RGPD1: variants seen among roughly 807,000 people sequenced by gnomAD.
RGPD1 encodes the protein RANBP2-like and GRIP domain-containing protein 1.
In RGPD1, 7 loss-of-function variants were observed where a neutral mutation model predicts 40.6. The observed-to-expected ratio is 0.17, with a 90% CI of 0.10 to 0.32. The LOEUF (loss-of-function observed/expected upper bound fraction) is 0.32, where lower values mean the gene tolerates loss of function less well. RGPD1 is among the 10% of genes least tolerant of loss of function. RGPD1 has a pLI of 1.00. For missense variants in RGPD1, 50 were observed against 472.5 expected (o/e 0.11, Z 8.29); for synonymous variants, 24 against 167.0 (o/e 0.14, Z 6.60).
At chr2:86,942,566 C>CGGGCGGCGGCGG (rs1377271723) in intron 1 of RGPD1, among the ~76,000 whole-genome samples, 4 of 102,866 alleles carry the variant, frequency 3.9e-5, no homozygotes, top group African/African-American at 1.4e-4. Flanking sequence ...TCGACGTGGC[C>CGGGCGGCGGCGG]CGGCGGCGGC....
chr2:86,929,366 C>T lies in RGPD1; in HGVS notation c.72+15445C>T, dbSNP rs542061113. 4.0e-5 allele frequency among the ~76,000 whole-genome samples: 6 copies of T among 151,898 alleles called. No homozygotes were observed. In the South Asian group the frequency reaches 8.3e-4, roughly 21 times the overall value. On this transcript the variant is annotated intron_variant, in intron 1 of 22. Coordinates refer to the RGPD1 transcript ENST00000398193. ...TCTGTTCTCTTGTGCATTGATGCCC[C>T]CGGAGTTGTGAAACACAGTGGCCCT...
At chr2:86,919,998 A>ACATGAAGAGTTTGTGTCTTGAAATATGT (rs1678026092) in intron 1 of RGPD1, among the ~76,000 whole-genome samples, 1 of 151,824 alleles carries the variant, frequency 6.6e-6, no homozygotes, top group African/African-American at 2.4e-5. Flanking sequence ...TGTCTATTTC[A>ACATGAAGAGTTTGTGTCTTGAAATATGT]GCACATGAAG....
chr2:86,942,561 G>GGCCGGGCGGCGGCGGCGGCGGCCTCGACC lies in RGPD1; in HGVS notation c.72+253_72+254insGCCGGGCGGCGGCGGCGGCGGCCTCGACC, dbSNP rs1558799770. Among the ~76,000 whole-genome samples the GGCCGGGCGGCGGCGGCGGCGGCCTCGACC allele has an allele frequency of 1.8e-3, 80 of 44,016 alleles. 8 individuals are homozygous for GGCCGGGCGGCGGCGGCGGCGGCCTCGACC. The highest frequency in any genetic ancestry group is 4.8e-3 in the African/African-American group (75 of 15,534). The allele number at this position is 44,016 out of a possible 152,430, so 28.9% of individuals were successfully genotyped here. On this transcript the variant is annotated intron_variant, in intron 1 of 22. Coordinates refer to ENST00000641458, the MANE Select transcript of RGPD1 (RefSeq NM_001382344.1). ...GCCGGGCGGCGGCGGCGGCCTCGAC[G>GGCCGGGCGGCGGCGGCGGCGGCCTCGACC]TGGCCCGGCGGCGGCCTCGATGGCT...
intron 1 of RGPD1, among the ~76,000 whole-genome samples, chr2:86,924,639 A>G (rs962019144): frequency 4.0e-5 from 6 of 150,418 alleles, no homozygotes; most frequent in South Asian, 2.1e-4. Flanking sequence ...TAATTTTTAA[A>G]TTTTTTTGGC....
Position 86,914,547 on chromosome 2 carries a change from G to A in RGPD1, c.72+626G>A, listed in dbSNP as rs570539343. Among the ~76,000 whole-genome samples the A allele has an allele frequency of 9.2e-3, 157 of 17,054 alleles. 14 individuals carry two copies. The highest frequency in any genetic ancestry group is 0.052 in the African/African-American group (117 of 2,240). 11.2% of individuals were successfully genotyped at this position (17,054 alleles called of 152,430 possible). A position where few individuals can be genotyped will look rare whatever the true frequency, so the allele number is the denominator to read the frequency against. ...GGCGGCGGCCTCGGCCTGGCCGGGCGGCGGCGGCGGCGGCGGCGGCGGCGG... is the reference window on the plus strand; with the variant it reads ...GGCGGCGGCCTCGGCCTGGCCGGGCAGCGGCGGCGGCGGCGGCGGCGGCGG... On this transcript the variant is annotated intron_variant, in intron 1 of 22. Transcript: ENST00000398193.
At chr2:86,944,017 A>C (rs999875097) in intron 1 of RGPD1, among the ~76,000 whole-genome samples, 19 of 151,788 alleles carry the variant, frequency 1.3e-4, no homozygotes, top group East Asian at 3.9e-4. Flanking sequence ...CCAAAAAAAA[A>C]CAAAAAAAAA....
At chr2:86,943,435 A>G (rs1242687537) in intron 1 of RGPD1, among the ~76,000 whole-genome samples, 5 of 151,994 alleles carry the variant, frequency 3.3e-5, no homozygotes, top group East Asian at 1.9e-4. Flanking sequence ...AATGTGATCT[A>G]TTTTGGATTC....
intron 1 of RGPD1, among the ~76,000 whole-genome samples, chr2:86,944,555 C>A (rs1345439311): frequency 6.6e-6 from 1 of 152,012 alleles, no homozygotes; most frequent in Non-Finnish European, 1.5e-5. Context: ...GGTGTACCCA[C>A]CACACCTGCT....
intron 1 of RGPD1, among the ~76,000 whole-genome samples, chr2:86,945,368 A>G (rs1422210553): frequency 6.6e-6 from 1 of 152,190 alleles, no homozygotes; most frequent in Non-Finnish European, 1.5e-5. Context: ...GTGAAATGAC[A>G]AAACAGGGTG....
chr2:86,925,008 G>C (rs1678373098), intron 1 of RGPD1, among the ~76,000 whole-genome samples: 1 of 152,008 alleles, frequency 6.6e-6, no homozygotes, highest in Admixed American at 6.5e-5. Context: ...TGTAGTCCTA[G>C]CTACTTGGAG....
At chr2:87,007,624 C>T (rs1191327503) in intron 22 of RGPD1, among the ~76,000 whole-genome samples, 1 of 152,220 alleles carries the variant, frequency 6.6e-6, no homozygotes, top group Non-Finnish European at 1.5e-5. Flanking sequence ...GGTGATCCAG[C>T]CGTCTCAGAT....
intron 1 of RGPD1, among the ~76,000 whole-genome samples, chr2:86,942,539 GGGC>G (rs1230618193): frequency 0.06 from 4,055 of 67,928 alleles, 429 homozygotes; most frequent in East Asian, 0.089. Flanking sequence ...CGACCTGGCC[GGGC>G]GGCGGCGGCG....
At chr2:86,924,487 G>C (rs1253673260) in intron 1 of RGPD1, among the ~76,000 whole-genome samples, 1 of 149,844 alleles carries the variant, frequency 6.7e-6, no homozygotes, top group Non-Finnish European at 1.5e-5. Context: ...TTTTTTAAGA[G>C]ACGGGGTGTC....
intron 1 of RGPD1, among the ~76,000 whole-genome samples, chr2:86,918,224 C>G (rs1677858899): frequency 6.6e-6 from 1 of 150,430 alleles, no homozygotes; most frequent in African/African-American, 2.4e-5. Context: ...TAAGGCCTTA[C>G]CTCTCACCCT....
intron 1 of RGPD1, among the ~76,000 whole-genome samples, chr2:86,920,689 A>ATT (rs1678097667): frequency 1.8e-5 from 2 of 110,816 alleles, no homozygotes; most frequent in Admixed American, 1.1e-4. Context: ...ATTATAAAGG[A>ATT]AGGAATAAGG....
chr2:87,007,190 T>TTTGTTGTTG lies in RGPD1; in HGVS notation c.5237-5305_5237-5297dup, dbSNP rs201108203. Among the ~76,000 whole-genome samples the TTTGTTGTTG allele has an allele frequency of 1.6e-4, 11 of 70,322 alleles. No homozygotes were observed. The East Asian group carries it at 2.3e-3, about 14-fold the overall frequency. 46.1% of individuals were successfully genotyped at this position (70,322 alleles called of 152,430 possible). A position where few individuals can be genotyped will look rare whatever the true frequency, so the allele number is the denominator to read the frequency against. On this transcript the variant is annotated intron_variant, in intron 22 of 22. Transcript: ENST00000641458. ...TTGTTGTTGGGTTTTTTAATTTGTT[T>TTTGTTGTTG]TTGTTGTTGTTGTTGTTGTTGTTGT...
chr2:86,949,069 TGAATG>T (rs1680458573), intron 1 of RGPD1, among the ~76,000 whole-genome samples: 2 of 136,976 alleles, frequency 1.5e-5, no homozygotes, highest in Non-Finnish European at 3.1e-5. Flanking sequence ...CCAAAAATAT[TGAATG>T]GAAGATTATA....
Position 86,913,961 on chromosome 2 carries a change from G to GGGCGGCGGCCTCGACCTGGCC in RGPD1, c.72+42_72+43insCGGCGGCCTCGACCTGGCCGG, listed in dbSNP as rs1677569231. The GGGCGGCGGCCTCGACCTGGCC allele has an allele frequency of 1.5e-5, 13 of 872,168 alleles. No individual in the cohort carries two copies. The African/African-American group carries it at 1.6e-4, about 11-fold the overall frequency. The allele number at this position is 872,168 out of a possible 1,614,324, so 54.0% of individuals were successfully genotyped here. ...AAGAGACCGACGGCCTCGACCTGGC[G>GGGCGGCGGCCTCGACCTGGCC]GGGCGGTGGCCTCGACCTGGCCGGG... is the stretch of plus-strand genomic sequence containing the variant. On this transcript the variant is annotated intron_variant, in intron 1 of 22. Transcript: ENST00000398193.
intron 1 of RGPD1, among the ~76,000 whole-genome samples, chr2:86,923,289 C>G (rs1678172421): frequency 6.6e-6 from 1 of 151,698 alleles, no homozygotes. Flanking sequence ...CCTTCCTGAC[C>G]TTGGTGTCCC....
Sources: gnomAD v4.1 joint callset for allele counts (sites outside exome capture counted in the v4.1 genomes callset) on GRCh38, gnomAD v4.1.1 for gene constraint, MANE v1.5 for transcripts, NCBI Gene and HGNC (gene_info 2026-07-23, HGNC 2026-07-21) for gene names.